UBR3: variants seen among roughly 807,000 people sequenced by gnomAD.
UBR3 encodes ubiquitin protein ligase E3 component n-recognin 3.
UBR3 carries 85 observed loss-of-function variants against 243.2 expected under a neutral mutation model. That is an observed-to-expected ratio of 0.35 (90% confidence interval 0.29 to 0.42). The LOEUF is 0.42. Among genes scored for constraint, UBR3 ranks in the 10% least tolerant of loss-of-function variants. The pLI, the probability that UBR3 is intolerant of heterozygous loss-of-function variation, is 1.00. For missense variants in UBR3, 1,686 were observed against 2,300.8 expected, an observed-to-expected ratio of 0.73 and a Z score of 5.47; for synonymous variants, 748 against 799.8, an observed-to-expected ratio of 0.94 and a Z score of 1.09.
intron 1 of UBR3, among the ~76,000 whole-genome samples, chr2:169,833,957 T>C (rs1325049883): frequency 6.6e-6 from 1 of 152,082 alleles, no homozygotes; most frequent in African/African-American, 2.4e-5. Context: ...TAAATTTCTT[T>C]TTGTATTTTT....
At chr2:169,989,590 G>A (rs72874460) in intron 25 of UBR3, among the ~76,000 whole-genome samples, 16,381 of 152,002 alleles carry the variant, frequency 0.11, 1,148 homozygotes, top group Admixed American at 0.19. Flanking sequence ...TTTATTAGCT[G>A]ACATATACTT....
chr2:169,974,012 G>GT (rs1214637539), intron 24 of UBR3, among the ~76,000 whole-genome samples: 3 of 152,146 alleles, frequency 2.0e-5, no homozygotes, highest in Non-Finnish European at 4.4e-5. Flanking sequence ...ATTTGCATAT[G>GT]TTTAACAATT....
intron 36 of UBR3, among the ~76,000 whole-genome samples, chr2:170,075,342 TGACATG>T (rs1436961166): frequency 6.6e-6 from 1 of 152,052 alleles, no homozygotes; most frequent in Non-Finnish European, 1.5e-5. Context: ...CTATGCAGGA[TGACATG>T]GAGTAAGAGG....
At position 170,007,155 on chromosome 2, in the gene UBR3, G is replaced by A; in HGVS notation, c.4195G>A (p.Val1399Met). 3 of 1,611,622 alleles carry A rather than the reference G, an allele frequency of 1.9e-6. No homozygotes were observed. Among genetic ancestry groups the A allele is most frequent in the East Asian group, 4.5e-5 (2 of 44,816 alleles). ...AAGCATACAAGATCTCATAAAGGAA[G>A]TGGAGGAGCTGCAGGGACGACCGGG... ...NKSIQDLIKE[V>M]EELQGRPGAF... The change falls in exon 28 of 39, where the codon GTG becomes ATG. Residue 1399 changes from valine to methionine, a missense_variant. Physicochemically the swap from Val to Met is conservative, Grantham distance 21. Transcript: ENST00000272793.
intron 8 of UBR3, among the ~76,000 whole-genome samples, chr2:169,903,063 CAG>C (rs1211278312): frequency 9.2e-5 from 14 of 152,178 alleles, no homozygotes; most frequent in South Asian, 2.1e-4. Flanking sequence ...ACTTTATTCT[CAG>C]AGATTAGTTG....
chr2:169,845,728 G>A (rs1038937805), intron 1 of UBR3, among the ~76,000 whole-genome samples: 1 of 151,578 alleles, frequency 6.6e-6, no homozygotes, highest in Non-Finnish European at 1.5e-5. Flanking sequence ...TGGGACTACA[G>A]GCACACCACC....
rs369612702 is a variant in UBR3 at position 169,834,140 on chromosome 2, T to C, written c.545+6088T>C. ...TTTTCTGATCTGTGGTAGCCAGAAA[T>C]TGAACCACGTGAATGTCTGGTTGAA... On this transcript the variant is annotated intron_variant, in intron 1 of 38. Transcript: ENST00000272793. Among the ~76,000 whole-genome samples, 4 of 152,182 alleles carry C rather than the reference T, an allele frequency of 2.6e-5. No homozygotes were observed. The East Asian group carries it at 5.8e-4, about 22-fold the overall frequency.
intron 24 of UBR3, among the ~76,000 whole-genome samples, chr2:169,964,241 A>C (rs1017312738): frequency 2.0e-5 from 3 of 152,184 alleles, no homozygotes; most frequent in Non-Finnish European, 4.4e-5. Flanking sequence ...GAAGTTACTT[A>C]AGAGCAGTCC....
chr2:169,972,082 A>G (rs1250117978), intron 24 of UBR3, among the ~76,000 whole-genome samples: 6 of 152,166 alleles, frequency 3.9e-5, no homozygotes, highest in Non-Finnish European at 8.8e-5. Flanking sequence ...GATAAAGGGG[A>G]TATCACCACC....
At chr2:169,906,496 A>C (rs1468986344) in intron 10 of UBR3, among the ~76,000 whole-genome samples, 1 of 152,036 alleles carries the variant, frequency 6.6e-6, no homozygotes. Context: ...CAAGATTCCA[A>C]GGACAAAACA....
chr2:169,883,544 G>C (rs910723000), intron 5 of UBR3, among the ~76,000 whole-genome samples: 1 of 152,194 alleles, frequency 6.6e-6, no homozygotes, highest in African/African-American at 2.4e-5. Flanking sequence ...TTGTAAACAT[G>C]TTTTAAAACT....
chr2:169,877,472 AT>A, intron 3 of UBR3, 21 bp from the exon 4 acceptor site: 1 of 1,516,776 alleles, frequency 6.6e-7, no homozygotes, highest in South Asian at 1.3e-5. Flanking sequence ...TTTTTTTCTG[AT>A]TTGAAGTTTG....
At chr2:169,908,821 C>CTTT (rs11388865) in intron 10 of UBR3, among the ~76,000 whole-genome samples, 10 of 124,036 alleles carry the variant, frequency 8.1e-5, no homozygotes, top group African/African-American at 1.5e-4. Flanking sequence ...GTGATTGGTC[C>CTTT]TTTTTTTTTT....
At chr2:169,850,953 A>G (rs1265908180) in intron 1 of UBR3, among the ~76,000 whole-genome samples, 2 of 152,200 alleles carry the variant, frequency 1.3e-5, no homozygotes, top group Non-Finnish European at 2.9e-5. Flanking sequence ...TCTTAGAAAA[A>G]TGTGGGTACT....
chr2:170,013,664 A>G (rs1366817674), intron 29 of UBR3, among the ~76,000 whole-genome samples: 3 of 152,082 alleles, frequency 2.0e-5, no homozygotes, highest in Admixed American at 6.6e-5. Flanking sequence ...AGAAAACAGA[A>G]TTGTTCTTAT....
At chr2:169,988,808 AAG>A (rs1175274870) in intron 25 of UBR3, among the ~76,000 whole-genome samples, 8 of 152,142 alleles carry the variant, frequency 5.3e-5, no homozygotes, top group African/African-American at 1.7e-4. Context: ...AAAATTAAAA[AAG>A]AAAAAAAGAA....
chr2:169,928,037 G>A (rs148784093), intron 17 of UBR3, among the ~76,000 whole-genome samples: 2 of 152,278 alleles, frequency 1.3e-5, no homozygotes, highest in East Asian at 3.8e-4. Flanking sequence ...TTATGACTAT[G>A]TTTGGAAGAA....
intron 25 of UBR3, among the ~76,000 whole-genome samples, chr2:169,993,895 T>C (rs1260552730): frequency 6.6e-6 from 1 of 152,196 alleles, no homozygotes; most frequent in African/African-American, 2.4e-5. Context: ...ACTTCCTTGC[T>C]CTTTTTAATC....
intron 1 of UBR3, among the ~76,000 whole-genome samples, chr2:169,836,068 T>TATATATATA (rs1558999189): frequency 3.0e-4 from 9 of 29,732 alleles, no homozygotes; most frequent in Non-Finnish European, 5.8e-4. Flanking sequence ...TATATATATA[T>TATATATATA]TTTTTTTTTT....
Sources: gnomAD v4.1 joint callset for allele counts (sites outside exome capture counted in the v4.1 genomes callset) on GRCh38, gnomAD v4.1.1 for gene constraint, MANE v1.5 for transcripts, NCBI Gene and HGNC (gene_info 2026-07-23, HGNC 2026-07-21) for gene names.